GPC5: variants seen among roughly 807,000 people sequenced by gnomAD.
GPC5 encodes the protein glypican 5.
Under a neutral mutation model 53.9 loss-of-function variants are expected in GPC5, and 47 were observed. That is an observed-to-expected ratio of 0.87 (90% CI 0.69 to 1.11). The LOEUF is 1.11. Ranked by LOEUF, GPC5 falls within the 50% of genes most tolerant of loss-of-function variation. The probability of loss-of-function intolerance (pLI) is 0.00; values close to 1 mark genes in which losing one functional copy is unlikely to be tolerated. For missense variants in GPC5, 748 were observed against 713.1 expected, an observed-to-expected ratio of 1.05 and a Z score of -0.56; for synonymous variants, 286 against 263.3, an observed-to-expected ratio of 1.09 and a Z score of -0.84.
intron 2 of GPC5, among the ~76,000 whole-genome samples, chr13:91,476,239 G>T (rs1882921952): frequency 6.6e-6 from 1 of 152,122 alleles, no homozygotes; most frequent in Non-Finnish European, 1.5e-5. Flanking sequence ...TCCAGACACT[G>T]CTAAATGTCC....
intron 2 of GPC5, among the ~76,000 whole-genome samples, chr13:91,676,327 T>C (rs1405547503): frequency 6.6e-6 from 1 of 152,114 alleles, no homozygotes; most frequent in Non-Finnish European, 1.5e-5. Context: ...CTTCTCAGCC[T>C]CCCAAGGTGG....
At chr13:92,096,873 G>A (rs2041426327) in intron 6 of GPC5, among the ~76,000 whole-genome samples, 1 of 152,180 alleles carries the variant, frequency 6.6e-6, no homozygotes, top group Admixed American at 6.5e-5. Flanking sequence ...AGAGGCTTTG[G>A]ATTTTGGTGA....
intron 7 of GPC5, among the ~76,000 whole-genome samples, chr13:92,602,247 T>TATATATATATC: frequency 7.1e-6 from 1 of 140,214 alleles, no homozygotes; most frequent in South Asian, 2.2e-4. Context: ...TATATATATA[T>TATATATATATC]ATATATATAT....
intron 2 of GPC5, among the ~76,000 whole-genome samples, chr13:91,569,461 C>T (rs7981964): frequency 0.13 from 20,412 of 152,030 alleles, 1,620 homozygotes; most frequent in African/African-American, 0.23. Flanking sequence ...TGTACTATGG[C>T]CCTTTGGAGC....
intron 5 of GPC5, among the ~76,000 whole-genome samples, chr13:91,783,095 A>T (rs1164075996): frequency 1.3e-5 from 2 of 152,046 alleles, no homozygotes; most frequent in Admixed American, 6.5e-5. Context: ...TCTACTAAAC[A>T]TACCAAAAAT....
At chr13:92,390,526 G>A (rs935964399) in intron 7 of GPC5, among the ~76,000 whole-genome samples, 1 of 152,052 alleles carries the variant, frequency 6.6e-6, no homozygotes, top group Non-Finnish European at 1.5e-5. Flanking sequence ...TGCCTTTTAT[G>A]GGTTTGTGGT....
intron 5 of GPC5, among the ~76,000 whole-genome samples, chr13:91,885,147 T>A (rs891050446): frequency 2.0e-5 from 3 of 152,320 alleles, no homozygotes; most frequent in Admixed American, 6.5e-5. Context: ...ATTATTTTTC[T>A]AATATGTACC....
intron 7 of GPC5, among the ~76,000 whole-genome samples, chr13:92,208,655 GAAAT>G (rs1308583364): frequency 6.6e-6 from 1 of 152,126 alleles, no homozygotes; most frequent in African/African-American, 2.4e-5. Context: ...AGGCAATAAA[GAAAT>G]AAAGAGGAAT....
intron 5 of GPC5, among the ~76,000 whole-genome samples, chr13:91,758,862 C>T (rs190156657): frequency 6.6e-6 from 1 of 152,120 alleles, no homozygotes; most frequent in Non-Finnish European, 1.5e-5. Flanking sequence ...ATTCTTCCAA[C>T]CTCATCACCT....
At chr13:91,513,758 A>T (rs991320643) in intron 2 of GPC5, among the ~76,000 whole-genome samples, 10 of 152,086 alleles carry the variant, frequency 6.6e-5, no homozygotes, top group African/African-American at 2.4e-4. Flanking sequence ...AGAAATAATA[A>T]TAATAGAGAA....
intron 6 of GPC5, among the ~76,000 whole-genome samples, chr13:92,118,923 G>T (rs1289535290): frequency 6.6e-6 from 1 of 152,156 alleles, no homozygotes; most frequent in Non-Finnish European, 1.5e-5. Flanking sequence ...AAAAGTAGAA[G>T]AAAAGGTTTT....
intron 7 of GPC5, among the ~76,000 whole-genome samples, chr13:92,474,040 A>G (rs1025487564): frequency 3.9e-5 from 6 of 152,158 alleles, no homozygotes; most frequent in Middle Eastern, 3.2e-3. Context: ...AAAGTCCCAA[A>G]GCTATGTGAA....
intron 7 of GPC5, among the ~76,000 whole-genome samples, chr13:92,548,928 T>C (rs1882216344): frequency 6.6e-6 from 1 of 151,936 alleles, no homozygotes; most frequent in Admixed American, 6.6e-5. Flanking sequence ...ATAAAAACAA[T>C]AAAAAGACTA....
intron 3 of GPC5, among the ~76,000 whole-genome samples, chr13:91,716,333 C>T (rs7986332): frequency 0.072 from 10,928 of 152,060 alleles, 478 homozygotes; most frequent in East Asian, 0.24. Flanking sequence ...CAGCCAATAC[C>T]CCACCTCCAC....
At chr13:92,155,533 ATCT>A (rs2041937619) in intron 7 of GPC5, among the ~76,000 whole-genome samples, 1 of 152,022 alleles carries the variant, frequency 6.6e-6, no homozygotes, top group Non-Finnish European at 1.5e-5. Context: ...ATAATTTGTT[ATCT>A]TCTTTTAACT....
Position 92,524,795 on chromosome 13 carries a change from T to C in GPC5, c.1562-341487T>C, listed in dbSNP as rs572002309. Among the ~76,000 whole-genome samples the C allele has an allele frequency of 3.0e-4, 45 of 152,218 alleles. No homozygotes were observed. In the South Asian group the frequency reaches 5.4e-3, roughly 18 times the overall value. ...AGAAACAGCTTTTAGGTAGACATCATTAACAGTCACATCATTTTTAAATAT... is the reference window on the plus strand; with the variant it reads ...AGAAACAGCTTTTAGGTAGACATCACTAACAGTCACATCATTTTTAAATAT... On this transcript the variant is annotated intron_variant, in intron 7 of 7. Coordinates refer to ENST00000377067, the MANE Select transcript of GPC5 (RefSeq NM_004466.6).
intron 6 of GPC5, among the ~76,000 whole-genome samples, chr13:91,983,332 C>A (rs1271451313): frequency 2.8e-5 from 4 of 143,422 alleles, no homozygotes; most frequent in African/African-American, 9.9e-5. Flanking sequence ...GGCGACAGAG[C>A]CAGACCCTGT....
At chr13:91,923,905 G>A (rs2039741954) in intron 6 of GPC5, among the ~76,000 whole-genome samples, 1 of 152,100 alleles carries the variant, frequency 6.6e-6, no homozygotes, top group East Asian at 1.9e-4. Context: ...TAATTCATAA[G>A]ACATATATAA....
chr13:92,866,187 A>G, intron 7 of GPC5, 95 bp from the exon 8 acceptor site: 1 of 1,091,808 alleles, frequency 9.2e-7, no homozygotes, highest in Non-Finnish European at 1.3e-6. Flanking sequence ...GTCCCCAAAA[A>G]CAATGCTGTC....
Sources: gnomAD v4.1 joint callset for allele counts (sites outside exome capture counted in the v4.1 genomes callset) on GRCh38, gnomAD v4.1.1 for gene constraint, MANE v1.5 for transcripts, NCBI Gene and HGNC (gene_info 2026-07-23, HGNC 2026-07-21) for gene names.